Variants in GBP6 observed in about 807,000 individuals in gnomAD.
GBP6 encodes the protein guanylate-binding protein 6.
A neutral mutation model predicts 61.5 loss-of-function variants in GBP6; 54 were observed. That is an observed-to-expected ratio of 0.88 (90% CI 0.71 to 1.10). The LOEUF (loss-of-function observed/expected upper bound fraction) is 1.10. GBP6 is among the 50% of genes least tolerant of loss of function. The pLI, the probability that GBP6 is intolerant of heterozygous loss-of-function variation, is 0.00. For missense variants in GBP6, 748 were observed against 752.8 expected, an observed-to-expected ratio of 0.99 and a Z score of 0.07; for synonymous variants, 255 against 273.7, an observed-to-expected ratio of 0.93 and a Z score of 0.67.
chr1:89,372,233 T>C (rs990577901), intron 3 of GBP6, among the ~76,000 whole-genome samples: 3 of 152,210 alleles, frequency 2.0e-5, no homozygotes, highest in Admixed American at 1.3e-4. Flanking sequence ...GAAATGGCCA[T>C]ACGGCCCAAG....
Position 89,366,023 on chromosome 1 carries a change from G to A in GBP6, c.-24+1896G>A, listed in dbSNP as rs1471215196. ...ATAAAAATGTGCCAGGAGACCTACA[G>A]AATAATTGTACTTTCAATACTAAAT... On this transcript the variant is annotated intron_variant, in intron 1 of 10. Coordinates refer to ENST00000370456, the MANE Select transcript of GBP6 (RefSeq NM_198460.3). Among the ~76,000 whole-genome samples, 4 of 152,214 alleles carry A rather than the reference G, an allele frequency of 2.6e-5. No homozygotes were observed. In the East Asian group the frequency reaches 7.7e-4, roughly 29 times the overall value.
At chr1:89,365,084 T>A (rs1557534999) in intron 1 of GBP6, among the ~76,000 whole-genome samples, 1 of 152,080 alleles carries the variant, frequency 6.6e-6, no homozygotes, top group East Asian at 1.9e-4. Flanking sequence ...TTTTTGGTTT[T>A]CTGTTCCTGT....
At chr1:89,372,433 C>T (rs571138070) in intron 3 of GBP6, among the ~76,000 whole-genome samples, 3 of 152,222 alleles carry the variant, frequency 2.0e-5, no homozygotes, top group Admixed American at 6.5e-5. Context: ...GCTACAGTAA[C>T]CAAAATAGCA....
chr1:89,380,675 A>T (rs1395582391), intron 6 of GBP6, 44 bp downstream of exon 6: 2 of 1,582,894 alleles, frequency 1.3e-6, no homozygotes, highest in Admixed American at 3.5e-5. Context: ...ATGTGTGTTG[A>T]ATATATTGTA....
chr1:89,379,746 T>C (rs1010031048), intron 5 of GBP6, among the ~76,000 whole-genome samples: 7 of 152,252 alleles, frequency 4.6e-5, no homozygotes, highest in Non-Finnish European at 1.0e-4. Context: ...ATTTATGCTT[T>C]CTTGAAACAT....
At chr1:89,383,882 T>G (rs928654) in intron 9 of GBP6, 128 bp downstream of exon 9, 774,925 of 873,148 alleles carry the variant, frequency 0.89, 344,453 homozygotes, top group Middle Eastern at 0.91. Flanking sequence ...TGCTAAATCT[T>G]AAAATAACAA....
Position 89,383,688 on chromosome 1 carries a change from A to G in GBP6, c.1402A>G (p.Met468Val), listed in dbSNP as rs1241004135. 3 of 1,611,496 alleles carry G rather than the reference A, an allele frequency of 1.9e-6. No individual in the cohort carries two copies. The highest frequency in any genetic ancestry group is 1.3e-5 in the African/African-American group (1 of 74,708). The change falls in exon 9 of 11, where the codon ATG becomes GTG. Residue 468 changes from methionine to valine, a missense_variant. By Grantham distance (21) the Met-to-Val change is conservative. Coordinates refer to ENST00000370456, the MANE Select transcript of GBP6 (RefSeq NM_198460.3). ...EVFQRFLESQ[M>V]VIEESILQSD... ...CTTCCAGAGGTTCCTGGAGTCACAGATGGTGATAGAGGAATCCATCTTGCA... is the reference window on the plus strand; with the variant it reads ...CTTCCAGAGGTTCCTGGAGTCACAGGTGGTGATAGAGGAATCCATCTTGCA...
chr1:89,364,333 C>T (rs890324174), intron 1 of GBP6, among the ~76,000 whole-genome samples: 5 of 152,254 alleles, frequency 3.3e-5, no homozygotes, highest in Admixed American at 2.0e-4. Context: ...CCTGGATGTG[C>T]TGTTCCCTGA....
intron 3 of GBP6, among the ~76,000 whole-genome samples, chr1:89,375,035 T>C (rs547968200): frequency 6.6e-6 from 1 of 152,184 alleles, no homozygotes; most frequent in Non-Finnish European, 1.5e-5. Context: ...GGTTTTCTGT[T>C]CCTGCATTAG....
chr1:89,380,316 C>G, intron 5 of GBP6, 70 bp from the exon 6 acceptor site: 1 of 1,438,344 alleles, frequency 7.0e-7, no homozygotes, highest in South Asian at 1.2e-5. Context: ...TACACCCTAT[C>G]AAAAATACCT....
intron 3 of GBP6, among the ~76,000 whole-genome samples, chr1:89,374,318 T>C: frequency 6.6e-6 from 1 of 152,222 alleles, no homozygotes. Flanking sequence ...ATCTTGGCTA[T>C]TGTGAATAAT....
At chr1:89,378,390 A>T in intron 4 of GBP6, 27 bp from the exon 5 acceptor site, 1 of 1,596,628 alleles carries the variant, frequency 6.3e-7, no homozygotes, top group Non-Finnish European at 8.5e-7. Context: ...GTGGGCAGAC[A>T]GTTGCTTTTC....
Position 89,378,187 on chromosome 1 carries a change from A to C in GBP6, c.403A>C (p.Asn135His). Reference protein sequence around the residue: ...TFVYNSMSTINHQALEQLHYV... With the variant: ...TFVYNSMSTIHHQALEQLHYV... The stretch of plus-strand genomic sequence containing the variant: ...TGTCTACAACAGCATGAGCACCATC[A>C]ACCACCAGGCCCTGGAGCAGCTGCA... Residue 135 changes from asparagine to histidine, a missense_variant, in exon 4 of 11, where the codon AAC becomes CAC. Transcript: ENST00000370456. 6.2e-7 allele frequency: 1 copy of C among 1,612,246 alleles called. No individual in the cohort carries two copies. The highest frequency in any genetic ancestry group is 8.5e-7 in the Non-Finnish European group (1 of 1,179,550).
At chr1:89,377,227 G>A (rs979969785) in intron 3 of GBP6, among the ~76,000 whole-genome samples, 11 of 152,108 alleles carry the variant, frequency 7.2e-5, no homozygotes, top group Non-Finnish European at 1.5e-4. Context: ...AATCAACCAG[G>A]TACTGGAGCT....
intron 3 of GBP6, among the ~76,000 whole-genome samples, chr1:89,373,374 A>G (rs1260984579): frequency 2.6e-5 from 4 of 152,236 alleles, no homozygotes; most frequent in Non-Finnish European, 5.9e-5. Context: ...ATGTATGTTT[A>G]TTGCGGCACT....
At chr1:89,382,900 G>A (rs1242416085) in intron 8 of GBP6, 24 bp downstream of exon 8, 5 of 1,522,862 alleles carry the variant, frequency 3.3e-6, no homozygotes, top group Non-Finnish European at 3.6e-6. Context: ...GGAGCATGGG[G>A]AAGTTTATAG....
chr1:89,369,773 G>T, intron 3 of GBP6, 100 bp downstream of exon 3: 2 of 1,386,336 alleles, frequency 1.4e-6, no homozygotes, highest in Non-Finnish European at 1.9e-6. Flanking sequence ...TCCAACTATA[G>T]CAAATAAGGC....
rs969807198 is a variant in GBP6, at chr1:89,385,373, T to C, written c.1806T>C (p.Asp602=). 2.5e-6 allele frequency: 4 copies of C among 1,614,058 alleles called. No individual in the cohort carries two copies. The East Asian group carries it at 6.7e-5, about 27-fold the overall frequency. Residue 602 remains aspartate, a synonymous_variant, in exon 11 of 11, where the codon GAT becomes GAC. Coordinates refer to ENST00000370456, the MANE Select transcript of GBP6 (RefSeq NM_198460.3). ...WIARTLDNLA[D]ELTAILSAPA... is the part of the protein sequence containing the mutation. ...CACGAACCTTGGACAACCTTGCCGA[T>C]GAGCTAACTGCAATATTGTCTGCTC...
intron 6 of GBP6, among the ~76,000 whole-genome samples, chr1:89,381,113 C>T (rs1652964636): frequency 6.6e-6 from 1 of 151,586 alleles, no homozygotes; most frequent in Admixed American, 6.6e-5. Context: ...GGTGAAACCC[C>T]ATCTCTACAA....
Sources: gnomAD v4.1 joint callset for allele counts (sites outside exome capture counted in the v4.1 genomes callset) on GRCh38, gnomAD v4.1.1 for gene constraint, MANE v1.5 for transcripts, NCBI Gene and HGNC (gene_info 2026-07-23, HGNC 2026-07-21) for gene names.